Variants in NRCAM observed in about 807,000 individuals in gnomAD.
NRCAM encodes the protein NgCAM-related cell adhesion molecule.
NRCAM carries 83 observed loss-of-function variants against 156.5 expected under a neutral mutation model. That is an observed-to-expected ratio of 0.53 (90% CI 0.44 to 0.64). The LOEUF (loss-of-function observed/expected upper bound fraction) is 0.64, where lower values mean the gene tolerates loss of function less well. Among genes scored for constraint, NRCAM ranks in the 30% least tolerant of loss-of-function variants. The pLI is 0.00. For synonymous variants in NRCAM, 538 were observed against 563.9 expected, an observed-to-expected ratio of 0.95 and a Z score of 0.65; for missense variants, 1,417 against 1,597.3, an observed-to-expected ratio of 0.89 and a Z score of 1.92.
chr7:108,382,938 T>G (rs1015277173), intron 2 of NRCAM, among the ~76,000 whole-genome samples: 1 of 152,178 alleles, frequency 6.6e-6, no homozygotes, highest in East Asian at 1.9e-4. Flanking sequence ...AGTTTGTGAA[T>G]TGGAGGAAAT....
At chr7:108,353,402 G>A (rs1308673065) in intron 2 of NRCAM, among the ~76,000 whole-genome samples, 4 of 151,690 alleles carry the variant, frequency 2.6e-5, no homozygotes, top group Non-Finnish European at 4.4e-5. Flanking sequence ...ACCCAGGCTG[G>A]AATGCAGTGG....
At chr7:108,451,847 C>T (rs1288693839) in intron 1 of NRCAM, among the ~76,000 whole-genome samples, 1 of 151,948 alleles carries the variant, frequency 6.6e-6, no homozygotes, top group Non-Finnish European at 1.5e-5. Flanking sequence ...TTTGGGAAGG[C>T]AAAAAATGTT....
chr7:108,380,239 T>G (rs1472036059), intron 2 of NRCAM, among the ~76,000 whole-genome samples: 36 of 152,220 alleles, frequency 2.4e-4, no homozygotes, highest in Admixed American at 2.4e-3. Flanking sequence ...AAAATTAGTA[T>G]GAAATTAATT....
At chr7:108,292,961 T>C (rs1592001279) in intron 3 of NRCAM, among the ~76,000 whole-genome samples, 1 of 152,204 alleles carries the variant, frequency 6.6e-6, no homozygotes, top group Admixed American at 6.5e-5. Flanking sequence ...CTTTATCTGA[T>C]GAAGGCCCAA....
chr7:108,348,985 T>C (rs1378966066), intron 2 of NRCAM, among the ~76,000 whole-genome samples: 1 of 151,950 alleles, frequency 6.6e-6, no homozygotes, highest in African/African-American at 2.4e-5. Context: ...GGGGAATGTA[T>C]TGGCAAGACA....
intron 11 of NRCAM, among the ~76,000 whole-genome samples, chr7:108,220,087 C>T (rs2091607361): frequency 6.7e-6 from 1 of 150,286 alleles, no homozygotes; most frequent in South Asian, 2.1e-4. Context: ...ATCAAGAACT[C>T]AACCCCCTTT....
chr7:108,452,231 A>G (rs1415401420), intron 1 of NRCAM, among the ~76,000 whole-genome samples: 1 of 152,186 alleles, frequency 6.6e-6, no homozygotes, highest in Non-Finnish European at 1.5e-5. Flanking sequence ...GGGTAGGGGA[A>G]TTGGGGAGAT....
chr7:108,261,756 C>T lies in NRCAM; in HGVS notation c.-106-21586G>A, dbSNP rs150119395. 2.5e-3 allele frequency among the ~76,000 whole-genome samples: 375 copies of T among 152,262 alleles called. 1 individual carries two copies. Among genetic ancestry groups the T allele is most frequent in the African/African-American group, 8.6e-3 (357 of 41,536 alleles). ...TCTAGGACAGTGGCCTCACCTTGACCCTCATAGGGATCTCTTGCTTCCTGC... is the reference window on the plus strand; with the variant it reads ...TCTAGGACAGTGGCCTCACCTTGACTCTCATAGGGATCTCTTGCTTCCTGC... On this transcript the variant is annotated intron_variant, in intron 3 of 32. Coordinates refer to ENST00000379028, the MANE Select transcript of NRCAM (RefSeq NM_001037132.4).
intron 2 of NRCAM, among the ~76,000 whole-genome samples, chr7:108,330,768 T>A (rs1371644910): frequency 6.6e-6 from 1 of 152,118 alleles, no homozygotes; most frequent in African/African-American, 2.4e-5. Flanking sequence ...AAAATGTAAT[T>A]TGGGGTATCT....
At chr7:108,221,741 G>C (rs966966634) in intron 11 of NRCAM, among the ~76,000 whole-genome samples, 3 of 152,084 alleles carry the variant, frequency 2.0e-5, no homozygotes, top group Non-Finnish European at 4.4e-5. Context: ...ACTACAAATA[G>C]AGTACAGCGT....
chr7:108,450,247 T>C (rs1250198173), intron 1 of NRCAM, among the ~76,000 whole-genome samples: 1 of 141,262 alleles, frequency 7.1e-6, no homozygotes, highest in African/African-American at 2.6e-5. Context: ...TTTGTTCCCT[T>C]TACCACTGGC....
chr7:108,173,812 G>A (rs2059448910), intron 28 of NRCAM, among the ~76,000 whole-genome samples: 1 of 151,990 alleles, frequency 6.6e-6, no homozygotes, highest in Non-Finnish European at 1.5e-5. Flanking sequence ...AACATCAAAT[G>A]GTAAAACCAA....
chr7:108,187,903 C>T (rs974385376), intron 20 of NRCAM, among the ~76,000 whole-genome samples: 1 of 151,760 alleles, frequency 6.6e-6, no homozygotes, highest in Non-Finnish European at 1.5e-5. Context: ...TGCAGTGAGC[C>T]GAGATCGCGC....
At chr7:108,363,427 G>C (rs898839985) in intron 2 of NRCAM, among the ~76,000 whole-genome samples, 1 of 152,166 alleles carries the variant, frequency 6.6e-6, no homozygotes, top group Non-Finnish European at 1.5e-5. Context: ...TGGGACGACA[G>C]GCGTGTGCCA....
At chr7:108,277,527 AG>A (rs1416162667) in intron 3 of NRCAM, among the ~76,000 whole-genome samples, 1 of 151,864 alleles carries the variant, frequency 6.6e-6, no homozygotes, top group African/African-American at 2.4e-5. Context: ...TTGATCGAAT[AG>A]GCTATTGAAG....
intron 2 of NRCAM, among the ~76,000 whole-genome samples, chr7:108,316,620 A>G (rs562790092): frequency 2.0e-5 from 3 of 152,014 alleles, no homozygotes; most frequent in African/African-American, 7.2e-5. Context: ...CTAAAGAAAA[A>G]AAAAATACAA....
At chr7:108,290,578 T>C (rs1340058174) in intron 3 of NRCAM, among the ~76,000 whole-genome samples, 1 of 152,236 alleles carries the variant, frequency 6.6e-6, no homozygotes, top group African/African-American at 2.4e-5. Flanking sequence ...ATTTCTACTC[T>C]TTGTGATTAC....
chr7:108,225,683 G>C lies in NRCAM; in HGVS notation c.740C>G (p.Thr247Ser). 6.3e-7 allele frequency: 1 copy of C among 1,599,556 alleles called. No homozygotes were observed. Among genetic ancestry groups the C allele is most frequent in the Non-Finnish European group, 8.6e-7 (1 of 1,166,914 alleles). ...AGTGTCACTCAAATTAGCAGCTATA[G>C]TGTCATTCAATTCATCCACTGAAAT... Reference protein sequence around the residue: ...KVISVDELNDTIAANLSDTEF... With the variant: ...KVISVDELNDSIAANLSDTEF... Residue 247 changes from threonine to serine, a missense_variant, in exon 10 of 33, where the codon ACT becomes AGT. Physicochemically the swap from Thr to Ser is moderately conservative, Grantham distance 58. Transcript: ENST00000379028.
chr7:108,453,711 A>T (rs986731583), intron 1 of NRCAM, among the ~76,000 whole-genome samples: 1 of 152,258 alleles, frequency 6.6e-6, no homozygotes, highest in Non-Finnish European at 1.5e-5. Flanking sequence ...ATGAGTCAGT[A>T]GGATTATGAA....
Sources: gnomAD v4.1 joint callset for allele counts (sites outside exome capture counted in the v4.1 genomes callset) on GRCh38, gnomAD v4.1.1 for gene constraint, MANE v1.5 for transcripts, NCBI Gene and HGNC (gene_info 2026-07-23, HGNC 2026-07-21) for gene names.